The following RBFOX1 variants were observed in gnomAD, a reference collection of about 807,000 sequenced individuals.
RBFOX1 encodes RNA binding fox-1 homolog 1, also known as RNA binding protein fox-1 homolog 1.
In RBFOX1, 8 loss-of-function variants were observed where a neutral mutation model predicts 57.7. The observed-to-expected ratio is 0.14, with a 90% confidence interval of 0.08 to 0.25. The LOEUF (loss-of-function observed/expected upper bound fraction) is 0.25, where lower values mean the gene tolerates loss of function less well. RBFOX1 is among the 10% of genes least tolerant of loss of function. The pLI, the probability that RBFOX1 is intolerant of heterozygous loss-of-function variation, is 1.00. For missense variants in RBFOX1, 611 were observed against 548.5 expected, an observed-to-expected ratio of 1.11 and a Z score of -1.14; for synonymous variants, 326 against 222.4, an observed-to-expected ratio of 1.47 and a Z score of -4.15.
intron 1 of RBFOX1, among the ~76,000 whole-genome samples, chr16:6,055,120 G>C (rs544072486): frequency 6.6e-6 from 1 of 152,052 alleles, no homozygotes; most frequent in Non-Finnish European, 1.5e-5. Flanking sequence ...ATCTTTTTTG[G>C]GATGCAAAAC....
intron 3 of RBFOX1, among the ~76,000 whole-genome samples, chr16:5,748,161 C>G (rs1205962230): frequency 1.3e-5 from 2 of 152,114 alleles, no homozygotes; most frequent in South Asian, 2.1e-4. Context: ...GCAGGTTGTT[C>G]AGTTTCGATG....
At chr16:5,582,671 C>G (rs1344373068) in intron 2 of RBFOX1, among the ~76,000 whole-genome samples, 1 of 151,302 alleles carries the variant, frequency 6.6e-6, no homozygotes, top group Non-Finnish European at 1.5e-5. Flanking sequence ...CTGCCCCAGC[C>G]TCCCAAGTAG....
chr16:6,622,894 C>T (rs2098253264), intron 2 of RBFOX1, among the ~76,000 whole-genome samples: 1 of 152,166 alleles, frequency 6.6e-6, no homozygotes, highest in Non-Finnish European at 1.5e-5. Context: ...CCAAGTTGGG[C>T]AACATAATGC....
At chr16:5,474,778 G>C (rs1386320743) in intron 2 of RBFOX1, among the ~76,000 whole-genome samples, 1 of 152,200 alleles carries the variant, frequency 6.6e-6, no homozygotes, top group Non-Finnish European at 1.5e-5. Context: ...AGGTTGGTTA[G>C]GATCTTCCAG....
At chr16:6,325,240 T>A (rs1426591457) in intron 2 of RBFOX1, among the ~76,000 whole-genome samples, 1 of 152,122 alleles carries the variant, frequency 6.6e-6, no homozygotes, top group African/African-American at 2.4e-5. Flanking sequence ...GCACCTATGG[T>A]CCTAGCTACT....
chr16:6,148,283 C>T (rs746921186), intron 1 of RBFOX1, among the ~76,000 whole-genome samples: 21 of 152,292 alleles, frequency 1.4e-4, no homozygotes, highest in South Asian at 6.2e-4. Flanking sequence ...GCCAAGATAG[C>T]GCCACTGCAC....
chr16:7,179,660 T>C (rs558199388), intron 4 of RBFOX1, among the ~76,000 whole-genome samples: 2 of 152,216 alleles, frequency 1.3e-5, no homozygotes, highest in African/African-American at 4.8e-5. Context: ...AGCAACACAA[T>C]GAATTTATTT....
chr16:5,879,652 A>T (rs2057713264), intron 4 of RBFOX1, among the ~76,000 whole-genome samples: 1 of 152,182 alleles, frequency 6.6e-6, no homozygotes. Context: ...TAGTTCATAC[A>T]TTAGTCAGGA....
chr16:6,715,845 C>G (rs1327612875), intron 3 of RBFOX1, among the ~76,000 whole-genome samples: 1 of 152,178 alleles, frequency 6.6e-6, no homozygotes, highest in Non-Finnish European at 1.5e-5. Flanking sequence ...TGAACCAATA[C>G]TGTCTGGGTT....
At chr16:7,076,313 T>C (rs967104889) in intron 4 of RBFOX1, among the ~76,000 whole-genome samples, 9 of 152,128 alleles carry the variant, frequency 5.9e-5, no homozygotes, top group Admixed American at 5.9e-4. Flanking sequence ...ATTTCAGGCG[T>C]GAACCACCAC....
intron 2 of RBFOX1, among the ~76,000 whole-genome samples, chr16:5,536,189 C>A (rs1461864065): frequency 4.2e-5 from 6 of 143,116 alleles, no homozygotes; most frequent in African/African-American, 1.5e-4. Context: ...TATGAAAACA[C>A]AAAGCTGCTC....
chr16:5,536,674 A>T (rs1225194614), intron 2 of RBFOX1, among the ~76,000 whole-genome samples: 1 of 152,148 alleles, frequency 6.6e-6, no homozygotes, highest in Non-Finnish European at 1.5e-5. Context: ...CACTCCCATA[A>T]CATTAGGAGT....
intron 4 of RBFOX1, among the ~76,000 whole-genome samples, chr16:7,137,660 C>T (rs2072413535): frequency 2.0e-5 from 3 of 152,162 alleles, no homozygotes; most frequent in African/African-American, 7.2e-5. Context: ...AAGGGAACCT[C>T]AGATTAGGGG....
intron 5 of RBFOX1, among the ~76,000 whole-genome samples, chr16:7,549,035 C>T (rs532443846): frequency 3.3e-5 from 5 of 152,090 alleles, no homozygotes; most frequent in Non-Finnish European, 7.3e-5. Context: ...AGGAGAGAAA[C>T]AGAGAAGAGG....
chr16:7,372,791 GAGA>G (rs2097592568), intron 4 of RBFOX1, among the ~76,000 whole-genome samples: 1 of 152,014 alleles, frequency 6.6e-6, no homozygotes, highest in Middle Eastern at 3.2e-3. Context: ...GAGGGAGGAA[GAGA>G]AGGAGGAAAA....
chr16:6,489,593 A>G (rs1192240582), intron 2 of RBFOX1, among the ~76,000 whole-genome samples: 1 of 152,204 alleles, frequency 6.6e-6, no homozygotes, highest in Non-Finnish European at 1.5e-5. Flanking sequence ...CTAAATGTAC[A>G]GAAGCCTAAG....
At chr16:6,429,476 T>A (rs1466976560) in intron 2 of RBFOX1, among the ~76,000 whole-genome samples, 1 of 152,248 alleles carries the variant, frequency 6.6e-6, no homozygotes, top group African/African-American at 2.4e-5. Flanking sequence ...ATGCAGATGA[T>A]TCTTCATTCA....
At position 5,372,433 on chromosome 16, in the gene RBFOX1, A is replaced by G. The variant is rs371649963; in HGVS notation, c.220-94783A>G. On this transcript the variant is annotated intron_variant, in intron 1 of 2. Transcript: ENST00000585867. Reference sequence around the variant, plus strand: ...AATGACCCAGTCTCAAACATGTACAATTTTTATTTGGTCATGAAAAATAAA... The same window carrying G: ...AATGACCCAGTCTCAAACATGTACAGTTTTTATTTGGTCATGAAAAATAAA... Among the ~76,000 whole-genome samples, 37 of 151,556 alleles carry G rather than the reference A, an allele frequency of 2.4e-4. 1 individual carries two copies. In the South Asian group the frequency reaches 7.7e-3, roughly 32 times the overall value.
At chr16:6,483,425 C>T (rs2095407048) in intron 2 of RBFOX1, 6 of 1,535,314 alleles carry the variant, frequency 3.9e-6, no homozygotes, top group South Asian at 2.4e-5. Context: ...ACGTGGGTGC[C>T]GTTTGCTGTT....
Sources: allele counts gnomAD v4.1 joint callset (sites outside exome capture counted in the v4.1 genomes callset), GRCh38; gene constraint gnomAD v4.1.1; transcripts MANE v1.5; gene names NCBI Gene and HGNC (gene_info 2026-07-23, HGNC 2026-07-21).